ALK: variants seen among roughly 807,000 people sequenced by gnomAD.
ALK encodes the protein ALK receptor tyrosine kinase.
Under a neutral mutation model 163.1 loss-of-function variants are expected in ALK, and 74 were observed. The ratio of observed to expected loss-of-function variants is 0.45; its 90% CI spans 0.38 to 0.55. The LOEUF (loss-of-function observed/expected upper bound fraction) is 0.55, where lower values mean the gene tolerates loss of function less well. Ranked by LOEUF, ALK falls within the 20% of genes least tolerant of loss-of-function variation. ALK has a pLI of 0.00. For synonymous variants in ALK, 960 were observed against 843.2 expected, an observed-to-expected ratio of 1.14 and a Z score of -2.40; for missense variants, 2,063 against 2,105.3, an observed-to-expected ratio of 0.98 and a Z score of 0.39.
intron 3 of ALK, among the ~76,000 whole-genome samples, chr2:29,651,228 C>T (rs1324534276): frequency 6.6e-6 from 1 of 152,128 alleles, no homozygotes; most frequent in Admixed American, 6.6e-5. Flanking sequence ...ATAGTGGGGG[C>T]TGCGCTTCAA....
intron 4 of ALK, among the ~76,000 whole-genome samples, chr2:29,471,052 A>G (rs1277332478): frequency 6.6e-6 from 1 of 152,194 alleles, no homozygotes; most frequent in African/African-American, 2.4e-5. Flanking sequence ...AAAATAATAT[A>G]TAACTATATT....
In ALK at chr2:29,331,165, C is replaced by A. The variant is rs140040803; in HGVS notation, c.1283-2684G>T. Among the ~76,000 whole-genome samples the A allele has an allele frequency of 1.5e-3, 232 of 152,230 alleles. 1 individual carries two copies. The highest frequency in any genetic ancestry group is 5.5e-3 in the African/African-American group (227 of 41,518). On this transcript the variant is annotated intron_variant, in intron 5 of 28. Transcript: ENST00000389048. ...GGTCCCCTGGACTATTCATCTCTAC[C>A]TTTTTCTTACTCACACAGAAGGAAA...
chr2:29,265,663 T>G (rs959658029), intron 11 of ALK, among the ~76,000 whole-genome samples: 1 of 152,216 alleles, frequency 6.6e-6, no homozygotes. Context: ...GCTCTTATCT[T>G]ATTATGAAGA....
Position 29,738,599 on chromosome 2 carries a change from T to G in ALK, c.668-20902A>C, listed in dbSNP as rs562750902. Among the ~76,000 whole-genome samples, 4 of 152,160 alleles carry G rather than the reference T, an allele frequency of 2.6e-5. No homozygotes were observed. In the South Asian group the frequency reaches 8.3e-4, roughly 32 times the overall value. On this transcript the variant is annotated intron_variant, in intron 1 of 28. Transcript: ENST00000389048. ...AGAAATATGAGACGTGTTTTGAATATGTGGACCTTAGGGTTTTTCAATGTG... is the reference window on the plus strand; with the variant it reads ...AGAAATATGAGACGTGTTTTGAATAGGTGGACCTTAGGGTTTTTCAATGTG...
chr2:29,785,426 G>C (rs1313355273), intron 1 of ALK, among the ~76,000 whole-genome samples: 1 of 151,584 alleles, frequency 6.6e-6, no homozygotes, highest in African/African-American at 2.4e-5. Context: ...ACTGGAATGT[G>C]AGTGAGATTG....
chr2:29,269,229 G>T (rs191356313), intron 11 of ALK, among the ~76,000 whole-genome samples: 1 of 152,208 alleles, frequency 6.6e-6, no homozygotes, highest in African/African-American at 2.4e-5. Flanking sequence ...GACAAATGGC[G>T]GAACACACTC....
chr2:29,801,176 TAAC>T (rs1340824838), intron 1 of ALK, among the ~76,000 whole-genome samples: 2 of 152,248 alleles, frequency 1.3e-5, no homozygotes, highest in African/African-American at 4.8e-5. Context: ...CTATGCATAA[TAAC>T]TAGCAGATAC....
intron 3 of ALK, among the ~76,000 whole-genome samples, chr2:29,610,804 T>TA (rs1009581592): frequency 1.6e-4 from 25 of 152,096 alleles, no homozygotes; most frequent in African/African-American, 5.6e-4. Context: ...CAACAATAAT[T>TA]AAAAAAATGA....
chr2:29,702,729 C>T (rs1397676512), intron 2 of ALK, among the ~76,000 whole-genome samples: 2 of 152,210 alleles, frequency 1.3e-5, no homozygotes, highest in Non-Finnish European at 2.9e-5. Context: ...AGGAGAAATG[C>T]ACATCTTACA....
At position 29,751,809 on chromosome 2, in the gene ALK, C is replaced by G. The variant is rs77625469; in HGVS notation, c.668-34112G>C. The stretch of plus-strand genomic sequence containing the variant: ...CTAGATTTTTAGGGACAGTTCCCAG[C>G]TCAAGTATTCTGTCCTCTTGTTCAA... On this transcript the variant is annotated intron_variant, in intron 1 of 28. Coordinates refer to ENST00000389048, the MANE Select transcript of ALK (RefSeq NM_004304.5). Among the ~76,000 whole-genome samples, 1,387 of 152,302 alleles carry G rather than the reference C, an allele frequency of 9.1e-3. 27 individuals carry two copies. Among genetic ancestry groups the G allele is most frequent in the African/African-American group, 0.03 (1,258 of 41,556 alleles).
chr2:29,257,011 G>C (rs1664965533), intron 11 of ALK, among the ~76,000 whole-genome samples: 1 of 152,112 alleles, frequency 6.6e-6, no homozygotes, highest in African/African-American at 2.4e-5. Context: ...GAAGATCAAG[G>C]TCACAGTGAG....
intron 4 of ALK, among the ~76,000 whole-genome samples, chr2:29,442,903 T>C (rs568494596): frequency 2.6e-5 from 4 of 152,324 alleles, no homozygotes; most frequent in East Asian, 3.9e-4. Context: ...TCTCTGATTC[T>C]AACTTGAAAC....
chr2:29,261,589 A>T (rs1448651535), intron 11 of ALK, among the ~76,000 whole-genome samples: 1 of 152,176 alleles, frequency 6.6e-6, no homozygotes, highest in Non-Finnish European at 1.5e-5. Flanking sequence ...GGACATCTCC[A>T]ATGACCATGG....
At chr2:29,833,458 G>A (rs540527813) in intron 1 of ALK, among the ~76,000 whole-genome samples, 1 of 152,296 alleles carries the variant, frequency 6.6e-6, no homozygotes, top group African/African-American at 2.4e-5. Flanking sequence ...CACTAGTTGG[G>A]TTGAAGCACT....
chr2:29,481,066 C>T (rs992452511), intron 4 of ALK, among the ~76,000 whole-genome samples: 6 of 152,176 alleles, frequency 3.9e-5, no homozygotes, highest in African/African-American at 1.4e-4. Flanking sequence ...GGGGCCCATG[C>T]TCCTGTGTTT....
chr2:29,247,766 A>T (rs1320713375), intron 12 of ALK, among the ~76,000 whole-genome samples: 1 of 151,942 alleles, frequency 6.6e-6, no homozygotes, highest in Non-Finnish European at 1.5e-5. Flanking sequence ...GTGGGCAGAG[A>T]AGTCAGTGGA....
intron 3 of ALK, among the ~76,000 whole-genome samples, chr2:29,678,216 A>G (rs921244138): frequency 3.3e-5 from 5 of 151,928 alleles, no homozygotes; most frequent in South Asian, 4.1e-4. Context: ...TCTGAATAAA[A>G]GGTTTATCAA....
intron 1 of ALK, among the ~76,000 whole-genome samples, chr2:29,862,342 A>T (rs1666317346): frequency 1.3e-5 from 2 of 152,138 alleles, no homozygotes; most frequent in African/African-American, 4.8e-5. Flanking sequence ...GAACAGGAAA[A>T]AAATAAGTTA....
intron 1 of ALK, among the ~76,000 whole-genome samples, chr2:29,726,384 A>C (rs1335011237): frequency 6.6e-6 from 1 of 152,172 alleles, no homozygotes; most frequent in Non-Finnish European, 1.5e-5. Flanking sequence ...AGAGAGCTTT[A>C]CCAAGCACTA....
Sources: gnomAD v4.1 joint callset for allele counts (sites outside exome capture counted in the v4.1 genomes callset) on GRCh38, gnomAD v4.1.1 for gene constraint, MANE v1.5 for transcripts, NCBI Gene and HGNC (gene_info 2026-07-23, HGNC 2026-07-21) for gene names.